The following GRM7 variants were observed in gnomAD, a reference collection of about 807,000 sequenced individuals.
GRM7 encodes the protein glutamate metabotropic receptor 7.
A neutral mutation model predicts 84.5 loss-of-function variants in GRM7; 35 were observed. The ratio of observed to expected loss-of-function variants is 0.41; its 90% CI spans 0.32 to 0.55. The LOEUF is 0.55. Ranked by LOEUF, GRM7 falls within the 20% of genes least tolerant of loss-of-function variation. GRM7 has a pLI of 0.19. For missense variants in GRM7, 1,003 were observed against 1,194.6 expected, an observed-to-expected ratio of 0.84 and a Z score of 2.36; for synonymous variants, 487 against 455.1, an observed-to-expected ratio of 1.07 and a Z score of -0.89.
intron 2 of GRM7, among the ~76,000 whole-genome samples, chr3:7,201,689 A>T (rs1342581431): frequency 6.6e-6 from 1 of 152,220 alleles, no homozygotes; most frequent in Non-Finnish European, 1.5e-5. Flanking sequence ...CAACACATAG[A>T]TGAGGAAATT....
chr3:7,409,584 T>G (rs1441153580), intron 4 of GRM7, among the ~76,000 whole-genome samples: 11 of 34,948 alleles, frequency 3.1e-4, no homozygotes, highest in African/African-American at 9.4e-4. Flanking sequence ...GTTTGTTTTG[T>G]TTTGTTTTGT....
chr3:7,535,177 T>C (rs981105104), intron 7 of GRM7: 3 of 151,934 alleles, frequency 2.0e-5, no homozygotes, highest in African/African-American at 7.3e-5. Flanking sequence ...TAGAATCTTG[T>C]ACATACCAAT....
intron 4 of GRM7, among the ~76,000 whole-genome samples, chr3:7,392,434 G>A (rs1374290359): frequency 6.6e-6 from 1 of 152,174 alleles, no homozygotes; most frequent in African/African-American, 2.4e-5. Context: ...GCCCTTCAAT[G>A]TCTGATCTAA....
chr3:6,992,225 A>G (rs1694667343), intron 1 of GRM7, among the ~76,000 whole-genome samples: 1 of 152,152 alleles, frequency 6.6e-6, no homozygotes. Context: ...ATGATTTACT[A>G]CTATTCAATA....
At chr3:7,369,028 C>T (rs572604796) in intron 4 of GRM7, among the ~76,000 whole-genome samples, 6 of 152,116 alleles carry the variant, frequency 3.9e-5, no homozygotes, top group Admixed American at 2.6e-4. Flanking sequence ...ACTGTTCTCC[C>T]TTTCTATGGC....
chr3:7,308,461 G>A (rs909066587), intron 4 of GRM7, among the ~76,000 whole-genome samples: 1 of 152,132 alleles, frequency 6.6e-6, no homozygotes, highest in African/African-American at 2.4e-5. Flanking sequence ...AAAGTTGTAG[G>A]TGCTCAAACA....
intron 2 of GRM7, among the ~76,000 whole-genome samples, chr3:7,213,451 A>T (rs987755555): frequency 3.3e-5 from 5 of 152,226 alleles, no homozygotes; most frequent in African/African-American, 1.2e-4. Context: ...GACTGAATGA[A>T]AATGAAGCTC....
chr3:6,924,013 C>G (rs992065273), intron 1 of GRM7, among the ~76,000 whole-genome samples: 2 of 152,154 alleles, frequency 1.3e-5, no homozygotes, highest in Admixed American at 1.3e-4. Flanking sequence ...AAGACTTGAG[C>G]TTTCTCTAAC....
intron 2 of GRM7, among the ~76,000 whole-genome samples, chr3:7,149,997 G>A (rs771134429): frequency 6.6e-6 from 1 of 151,964 alleles, no homozygotes; most frequent in African/African-American, 2.4e-5. Context: ...GATGTAAGAT[G>A]GATATGAAGA....
chr3:7,182,435 G>T (rs548433831), intron 2 of GRM7, among the ~76,000 whole-genome samples: 1 of 152,084 alleles, frequency 6.6e-6, no homozygotes, highest in Admixed American at 6.6e-5. Context: ...TTTGGGAGAC[G>T]ATTGTATTTT....
At chr3:7,657,416 C>T (rs956831495) in intron 8 of GRM7, among the ~76,000 whole-genome samples, 6 of 152,140 alleles carry the variant, frequency 3.9e-5, no homozygotes, top group Non-Finnish European at 8.8e-5. Flanking sequence ...GCATGTGTTA[C>T]TATTTACCCA....
chr3:7,566,596 C>T (rs1190248216), intron 7 of GRM7, among the ~76,000 whole-genome samples: 1 of 151,896 alleles, frequency 6.6e-6, no homozygotes, highest in Non-Finnish European at 1.5e-5. Flanking sequence ...AAATTGTTTA[C>T]AAGGAGATGG....
chr3:7,042,985 A>T, intron 1 of GRM7, among the ~76,000 whole-genome samples: 1 of 152,160 alleles, frequency 6.6e-6, no homozygotes, highest in East Asian at 1.9e-4. Context: ...TTAAGATTTG[A>T]CAGGCGATCT....
intron 8 of GRM7, among the ~76,000 whole-genome samples, chr3:7,582,022 C>G (rs1263455110): frequency 6.6e-6 from 1 of 152,088 alleles, no homozygotes; most frequent in South Asian, 2.1e-4. Flanking sequence ...ACTTTAACCA[C>G]AAGAGAATGA....
chr3:7,413,362 T>C (rs1450316622), intron 4 of GRM7, among the ~76,000 whole-genome samples: 2 of 152,202 alleles, frequency 1.3e-5, no homozygotes, highest in Admixed American at 6.5e-5. Context: ...TTTTATTCCT[T>C]GTGAGCGAAA....
chr3:7,335,962 T>C (rs1441158282), intron 4 of GRM7, among the ~76,000 whole-genome samples: 1 of 152,098 alleles, frequency 6.6e-6, no homozygotes, highest in African/African-American at 2.4e-5. Flanking sequence ...AGCTGAATTC[T>C]ATCAGACATT....
intron 4 of GRM7, among the ~76,000 whole-genome samples, chr3:7,346,188 C>G (rs530427011): frequency 1.3e-5 from 2 of 152,008 alleles, no homozygotes; most frequent in African/African-American, 2.4e-5. Context: ...ACTTGTCTAC[C>G]GTGTACCTAG....
Position 7,579,248 on chromosome 3 carries a change from C to T in GRM7, c.2342C>T (p.Pro781Leu), listed in dbSNP as rs765148831. The change falls in exon 8 of 10, where the codon CCC (proline) becomes CTC (leucine). Residue 781 changes from proline (P) to leucine (L), a missense_variant. Physicochemically the swap from Pro to Leu is moderately conservative, Grantham distance 98. Coordinates refer to ENST00000357716, the MANE Select transcript of GRM7 (RefSeq NM_000844.4). ...TATGCCATCAAGACTCGGGGTGTAC[C>T]CGAGAATTTTAACGAAGCCAAGCCC... ...TVYAIKTRGV[P>L]ENFNEAKPIG... is the part of the protein sequence containing the mutation. 6.2e-7 allele frequency: 1 copy of T among 1,613,642 alleles called. No homozygotes were observed. Among genetic ancestry groups the T allele is most frequent in the Non-Finnish European group, 8.5e-7 (1 of 1,179,610 alleles).
At chr3:7,130,453 G>A (rs907440368) in intron 1 of GRM7, among the ~76,000 whole-genome samples, 1 of 151,828 alleles carries the variant, frequency 6.6e-6, no homozygotes, top group African/African-American at 2.4e-5. Context: ...TGAGGCAGGA[G>A]AGTCATGTAA....
Sources: gnomAD v4.1 joint callset for allele counts (sites outside exome capture counted in the v4.1 genomes callset) on GRCh38, gnomAD v4.1.1 for gene constraint, MANE v1.5 for transcripts, NCBI Gene and HGNC (gene_info 2026-07-23, HGNC 2026-07-21) for gene names.